JMJD1C: variants seen among roughly 807,000 people sequenced by gnomAD.
JMJD1C encodes jumonji domain-containing protein 1C.
In JMJD1C, 31 loss-of-function variants were observed where a neutral mutation model predicts 245.3. The observed-to-expected ratio is 0.13, with a 90% confidence interval of 0.09 to 0.17. The LOEUF (loss-of-function observed/expected upper bound fraction) is 0.17, where lower values mean the gene tolerates loss of function less well. Among genes scored for constraint, JMJD1C ranks in the 10% least tolerant of loss-of-function variants. JMJD1C has a pLI of 1.00. For synonymous variants in JMJD1C, 1,057 were observed against 1,017.4 expected (o/e 1.04, Z -0.74); for missense variants, 2,691 against 3,000.2 (o/e 0.90, Z 2.41).
chr10:63,341,360 G>A (rs1236156075), intron 2 of JMJD1C, among the ~76,000 whole-genome samples: 5 of 152,178 alleles, frequency 3.3e-5, no homozygotes, highest in African/African-American at 4.8e-5. Flanking sequence ...ATGTTGTGGC[G>A]TTACTGCCCT....
At chr10:63,385,130 G>C (rs188371412) in intron 1 of JMJD1C, among the ~76,000 whole-genome samples, 1 of 152,256 alleles carries the variant, frequency 6.6e-6, no homozygotes, top group Non-Finnish European at 1.5e-5. Flanking sequence ...GGAATGGCTG[G>C]TTAGTGGAGC....
rs558613771 is a variant in JMJD1C, at chr10:63,437,558, T to C, written c.168+27937A>G. On this transcript the variant is annotated intron_variant, in intron 1 of 25. Coordinates refer to ENST00000399262, the MANE Select transcript of JMJD1C (RefSeq NM_032776.3). Reference sequence around the variant, plus strand: ...TCATCAACTTAATCCTATCTCTGAATTGTTTTCATCAACATACAAATATGG... The same window carrying C: ...TCATCAACTTAATCCTATCTCTGAACTGTTTTCATCAACATACAAATATGG... Among the ~76,000 whole-genome samples, 18 of 152,342 alleles carry C rather than the reference T, an allele frequency of 1.2e-4. No homozygotes were observed. In the South Asian group the frequency reaches 3.3e-3, roughly 28 times the overall value.
At chr10:63,413,476 T>C (rs1949610389) in intron 1 of JMJD1C, among the ~76,000 whole-genome samples, 1 of 152,186 alleles carries the variant, frequency 6.6e-6, no homozygotes, top group South Asian at 2.1e-4. Flanking sequence ...CATAATCTCA[T>C]ATTGGAGGAA....
At chr10:63,462,757 T>C (rs946458910) in intron 1 of JMJD1C, among the ~76,000 whole-genome samples, 1 of 152,290 alleles carries the variant, frequency 6.6e-6, no homozygotes. Context: ...AATGGATCTC[T>C]CCTAGAATAA....
intron 2 of JMJD1C, among the ~76,000 whole-genome samples, chr10:63,332,398 C>T (rs1026007401): frequency 5.9e-5 from 9 of 152,288 alleles, no homozygotes; most frequent in African/African-American, 1.4e-4. Context: ...TCTCAAGCAC[C>T]ATATCAAATA....
chr10:63,287,594 T>G (rs1474333282), intron 2 of JMJD1C, among the ~76,000 whole-genome samples: 1 of 152,232 alleles, frequency 6.6e-6, no homozygotes, highest in East Asian at 1.9e-4. Flanking sequence ...TTCATTATAC[T>G]TTAATATACA....
At chr10:63,385,379 AAAG>A (rs1947507831) in intron 1 of JMJD1C, among the ~76,000 whole-genome samples, 2 of 150,206 alleles carry the variant, frequency 1.3e-5, no homozygotes, top group African/African-American at 4.9e-5. Flanking sequence ...TAATAGATGC[AAAG>A]TTGTCACAAA....
chr10:63,465,319 G>A, intron 1 of JMJD1C, 176 bp downstream of exon 1: 2 of 674,892 alleles, frequency 3.0e-6, no homozygotes, highest in Non-Finnish European at 4.9e-6. Context: ...GAAGCCGCTC[G>A]GAGAGACGCA....
intron 2 of JMJD1C, among the ~76,000 whole-genome samples, chr10:63,359,482 T>G (rs1009287045): frequency 1.3e-5 from 2 of 152,224 alleles, no homozygotes; most frequent in Non-Finnish European, 2.9e-5. Context: ...CTGGTTTTAT[T>G]TCCCTTGTTT....
At chr10:63,275,532 T>C (rs1253761159) in intron 2 of JMJD1C, among the ~76,000 whole-genome samples, 1 of 152,020 alleles carries the variant, frequency 6.6e-6, no homozygotes, top group Non-Finnish European at 1.5e-5. Context: ...AAAAAGACCA[T>C]TGGGAAAGAT....
At chr10:63,188,623 T>C (rs1170179707) in intron 18 of JMJD1C, among the ~76,000 whole-genome samples, 8 of 152,228 alleles carry the variant, frequency 5.3e-5, no homozygotes, top group Admixed American at 4.6e-4. Context: ...ATGTAGTAAA[T>C]TGCCATCTGA....
intron 3 of JMJD1C, among the ~76,000 whole-genome samples, chr10:63,247,171 T>C (rs887509708): frequency 6.9e-6 from 1 of 145,854 alleles, no homozygotes; most frequent in African/African-American, 2.5e-5. Flanking sequence ...AAAAGCTGGA[T>C]TTTGAAAAGA....
chr10:63,433,955 G>A (rs1330393686), intron 1 of JMJD1C, among the ~76,000 whole-genome samples: 1 of 150,534 alleles, frequency 6.6e-6, no homozygotes, highest in South Asian at 2.1e-4. Flanking sequence ...GGTATGCTGT[G>A]ACTAAACTAG....
intron 1 of JMJD1C, among the ~76,000 whole-genome samples, chr10:63,495,027 C>G (rs1282032041): frequency 1.3e-5 from 2 of 152,094 alleles, no homozygotes; most frequent in Non-Finnish European, 2.9e-5. Flanking sequence ...TAATGCTGTA[C>G]TTTAATTAAC....
At chr10:63,284,626 G>A (rs1857763482) in intron 2 of JMJD1C, among the ~76,000 whole-genome samples, 1 of 152,034 alleles carries the variant, frequency 6.6e-6, no homozygotes, top group Non-Finnish European at 1.5e-5. Flanking sequence ...CATGTTTCTG[G>A]TGACAAAAAC....
intron 1 of JMJD1C, among the ~76,000 whole-genome samples, chr10:63,414,905 T>C (rs1381074979): frequency 8.7e-6 from 1 of 115,122 alleles, no homozygotes; most frequent in Admixed American, 9.9e-5. Flanking sequence ...AGACTCTATC[T>C]CAAAAAAAAA....
At chr10:63,273,610 G>C (rs1045757865) in intron 2 of JMJD1C, among the ~76,000 whole-genome samples, 1 of 152,138 alleles carries the variant, frequency 6.6e-6, no homozygotes, top group African/African-American at 2.4e-5. Flanking sequence ...TTCTTTACTA[G>C]ACTGAGGTAA....
intron 2 of JMJD1C, 72 bp from the exon 3 acceptor site, chr10:63,264,836 C>A: frequency 2.8e-6 from 2 of 707,796 alleles, no homozygotes; most frequent in Non-Finnish European, 5.0e-6. Flanking sequence ...GAACACACAC[C>A]AATACAATGT....
chr10:63,325,492 C>G (rs1941399332), intron 2 of JMJD1C, among the ~76,000 whole-genome samples: 1 of 152,166 alleles, frequency 6.6e-6, no homozygotes, highest in African/African-American at 2.4e-5. Context: ...CAGGCACACA[C>G]CACCCACCCA....
Sources: gnomAD v4.1 joint callset for allele counts (sites outside exome capture counted in the v4.1 genomes callset) on GRCh38, gnomAD v4.1.1 for gene constraint, MANE v1.5 for transcripts, NCBI Gene and HGNC (gene_info 2026-07-23, HGNC 2026-07-21) for gene names.